BBX: variants seen among roughly 807,000 people sequenced by gnomAD.
BBX encodes HMG box transcription factor BBX.
Under a neutral mutation model 100.2 loss-of-function variants are expected in BBX, and 30 were observed. The ratio of observed to expected loss-of-function variants is 0.30; its 90% confidence interval spans 0.22 to 0.41. The LOEUF is 0.41. BBX is among the 10% of genes least tolerant of loss of function. The pLI is 1.00. For synonymous variants in BBX, 376 were observed against 388.1 expected, an observed-to-expected ratio of 0.97 and a Z score of 0.37; for missense variants, 1,023 against 1,129.8, an observed-to-expected ratio of 0.91 and a Z score of 1.35.
Position 107,638,780 on chromosome 3 carries a change from TACACACACACACACACACACACACACAC to T in BBX, c.-83-7030_-83-7003del, listed in dbSNP as rs61081300. On this transcript the variant is annotated intron_variant, in intron 2 of 17. Coordinates refer to ENST00000325805, the MANE Select transcript of BBX (RefSeq NM_001142568.3). ...TACCAAAAAAAAAAAAAAAAAAGTA[TACACACACACACACACACACACACACAC>T]ACACACACACACACACACACACACA... is the stretch of plus-strand genomic sequence containing the variant. Among the ~76,000 whole-genome samples, 100 of 99,882 alleles carry T rather than the reference TACACACACACACACACACACACACACAC, an allele frequency of 1.0e-3. 1 individual carries two copies. Among genetic ancestry groups the T allele is most frequent in the African/African-American group, 1.7e-3 (43 of 24,898 alleles). 65.5% of individuals were successfully genotyped at this position (99,882 alleles called of 152,430 possible). A position where few individuals can be genotyped will look rare whatever the true frequency, so the allele number is the denominator to read the frequency against.
chr3:107,606,529 C>G (rs1173397288), intron 2 of BBX, among the ~76,000 whole-genome samples: 1 of 152,136 alleles, frequency 6.6e-6, no homozygotes, highest in East Asian at 1.9e-4. Context: ...TTTGAAACAT[C>G]CTTGGTTTCT....
chr3:107,634,030 T>C (rs754677991), intron 2 of BBX, among the ~76,000 whole-genome samples: 1 of 152,206 alleles, frequency 6.6e-6, no homozygotes, highest in Non-Finnish European at 1.5e-5. Flanking sequence ...CATATTACAA[T>C]ATGTCACTTC....
intron 2 of BBX, among the ~76,000 whole-genome samples, chr3:107,598,164 A>C (rs1352936561): frequency 6.6e-6 from 1 of 152,160 alleles, no homozygotes; most frequent in Non-Finnish European, 1.5e-5. Flanking sequence ...GTATTTTGGC[A>C]TCTTAATTTT....
chr3:107,744,534 T>G, intron 7 of BBX, 96 bp from the exon 8 acceptor site: 1 of 885,638 alleles, frequency 1.1e-6, no homozygotes, highest in Non-Finnish European at 1.8e-6. Context: ...GTAACTGTTG[T>G]TGATAATAAA....
intron 2 of BBX, among the ~76,000 whole-genome samples, chr3:107,586,404 T>G (rs972476190): frequency 8.5e-5 from 13 of 152,182 alleles, no homozygotes; most frequent in African/African-American, 3.1e-4. Flanking sequence ...TTCTGAAACT[T>G]GAGTCAAGTA....
At chr3:107,613,689 T>C (rs796570607) in intron 2 of BBX, among the ~76,000 whole-genome samples, 64 of 152,198 alleles carry the variant, frequency 4.2e-4, no homozygotes, top group African/African-American at 1.5e-3. Context: ...ATTCAATACA[T>C]ATGCTTTTTG....
chr3:107,790,410 A>G (rs1252895373), intron 14 of BBX, among the ~76,000 whole-genome samples: 1 of 151,426 alleles, frequency 6.6e-6, no homozygotes, highest in Non-Finnish European at 1.5e-5. Context: ...TCTTGTTCCG[A>G]CCTCTTTCAG....
rs5851558 is a variant in BBX at position 107,560,207 on chromosome 3, G to GA, written c.-84+33821dup. Among the ~76,000 whole-genome samples the GA allele has an allele frequency of 5.5e-3, 798 of 144,062 alleles. 1 individual carries two copies. The highest frequency in any genetic ancestry group is 8.6e-3 in the African/African-American group (341 of 39,518). The allele number at this position is 144,062 out of a possible 152,430, so 94.5% of individuals were successfully genotyped here. ...GTGTAGGGAAAATAATGGGAAACAT[G>GA]AAAAAAAAAAAATAACAAACCTCTG... On this transcript the variant is annotated intron_variant, in intron 2 of 17. Coordinates refer to ENST00000325805, the MANE Select transcript of BBX (RefSeq NM_001142568.3).
At chr3:107,564,839 T>C (rs1013648205) in intron 2 of BBX, among the ~76,000 whole-genome samples, 1 of 152,254 alleles carries the variant, frequency 6.6e-6, no homozygotes, top group Non-Finnish European at 1.5e-5. Flanking sequence ...GAATATTCAT[T>C]CTTCCAAATG....
chr3:107,788,625 A>C (rs981335574), intron 13 of BBX, among the ~76,000 whole-genome samples: 1 of 151,956 alleles, frequency 6.6e-6, no homozygotes. Flanking sequence ...AATACAAAAA[A>C]TTAGCCAGGC....
chr3:107,570,376 A>G (rs1222723803), intron 2 of BBX, among the ~76,000 whole-genome samples: 2 of 152,118 alleles, frequency 1.3e-5, no homozygotes, highest in South Asian at 2.1e-4. Context: ...TAAAATGCAT[A>G]TTGAGAATAA....
chr3:107,778,078 C>T (rs143324076), intron 12 of BBX, among the ~76,000 whole-genome samples: 152 of 151,908 alleles, frequency 1.0e-3, no homozygotes, highest in African/African-American at 3.6e-3. Flanking sequence ...TGAAAAACTC[C>T]CATGCCAGTG....
At chr3:107,599,159 G>A (rs1475908787) in intron 2 of BBX, among the ~76,000 whole-genome samples, 1 of 152,190 alleles carries the variant, frequency 6.6e-6, no homozygotes. Flanking sequence ...TACAAGGAAG[G>A]AAAGGTATGG....
intron 11 of BBX, 22 bp from the exon 12 acceptor site, chr3:107,774,697 C>A (rs375093073): frequency 2.5e-6 from 4 of 1,611,100 alleles, no homozygotes; most frequent in African/African-American, 2.7e-5. Flanking sequence ...CCAAACACAT[C>A]CTTTCTCTTG....
intron 8 of BBX, among the ~76,000 whole-genome samples, chr3:107,746,641 G>T (rs549942626): frequency 6.6e-6 from 1 of 151,168 alleles, no homozygotes; most frequent in Non-Finnish European, 1.5e-5. Flanking sequence ...TTAATTTTGA[G>T]ACAAGGTCTT....
Position 107,732,880 on chromosome 3 carries a change from T to A in BBX, c.602-76T>A. 3.3e-6 allele frequency: 4 copies of A among 1,208,950 alleles called. No individual in the cohort carries two copies. The South Asian group carries it at 5.3e-5, about 16-fold the overall frequency. The allele number at this position is 1,208,950 out of a possible 1,614,324, so 74.9% of individuals were successfully genotyped here. A position where few individuals can be genotyped will look rare whatever the true frequency, so the allele number is the denominator to read the frequency against. ...TTGGATTTCTGATTGCTAGTCTTTA[T>A]GAGTATTCTTTTTGACTCTGTGGAT... On this transcript the variant is annotated intron_variant, in intron 6 of 17. Transcript: ENST00000325805.
chr3:107,665,124 G>C lies in BBX; in HGVS notation c.-10+19215G>C, dbSNP rs553045469. Among the ~76,000 whole-genome samples, 6 of 152,132 alleles carry C rather than the reference G, an allele frequency of 3.9e-5. No individual in the cohort carries two copies. In the East Asian group the frequency reaches 1.2e-3, roughly 29 times the overall value. The stretch of plus-strand genomic sequence containing the variant: ...TACATGTATCTTCTGCAGTTTCCCA[G>C]GAAATATACCAGGATCTATCCTATT... On this transcript the variant is annotated intron_variant, in intron 3 of 17. Coordinates refer to ENST00000325805, the MANE Select transcript of BBX (RefSeq NM_001142568.3).
chr3:107,547,298 A>G (rs1311373236), intron 2 of BBX, among the ~76,000 whole-genome samples: 1 of 152,168 alleles, frequency 6.6e-6, no homozygotes, highest in Non-Finnish European at 1.5e-5. Flanking sequence ...TAATAAGCTA[A>G]TGGTATTGGT....
rs1407316322 is a variant in BBX at position 107,697,115 on chromosome 3, G to A, written c.-9-13337G>A. On this transcript the variant is annotated intron_variant, in intron 3 of 17. Coordinates refer to ENST00000325805, the MANE Select transcript of BBX (RefSeq NM_001142568.3). ...TACATTCTTCTAAATTTTTTTCAAA[G>A]TTTTCAACTTCTTTGCCTTTGGTGT... Among the ~76,000 whole-genome samples, 3 of 151,402 alleles carry A rather than the reference G, an allele frequency of 2.0e-5. No homozygotes were observed. The South Asian group carries it at 6.2e-4, about 32-fold the overall frequency.
Sources: allele counts gnomAD v4.1 joint callset (sites outside exome capture counted in the v4.1 genomes callset), GRCh38; gene constraint gnomAD v4.1.1; transcripts MANE v1.5; gene names NCBI Gene and HGNC (gene_info 2026-07-23, HGNC 2026-07-21).